The following DYNC1I2 variants were observed in gnomAD, a reference collection of about 807,000 sequenced individuals.
DYNC1I2 encodes dynein cytoplasmic 1 intermediate chain 2.
DYNC1I2 carries 53 observed loss-of-function variants against 88.6 expected under a neutral mutation model. That is an observed-to-expected ratio of 0.60 (90% CI 0.48 to 0.75). DYNC1I2 has a LOEUF of 0.75. DYNC1I2 is among the 30% of genes least tolerant of loss of function. DYNC1I2 has a pLI of 0.00. For synonymous variants in DYNC1I2, 198 were observed against 254.6 expected, an observed-to-expected ratio of 0.78 and a Z score of 2.12; for missense variants, 458 against 766.6, an observed-to-expected ratio of 0.60 and a Z score of 4.75.
chr2:171,727,574 A>T (rs1393997656), intron 11 of DYNC1I2, among the ~76,000 whole-genome samples: 1 of 152,108 alleles, frequency 6.6e-6, no homozygotes, highest in African/African-American at 2.4e-5. Context: ...GCTTTCTTTG[A>T]TAAATTAGTT....
chr2:171,733,057 T>G (rs1378507803), intron 15 of DYNC1I2, among the ~76,000 whole-genome samples: 2 of 152,210 alleles, frequency 1.3e-5, no homozygotes, highest in African/African-American at 4.8e-5. Context: ...TGTATGTTCA[T>G]TGTTTAGCTC....
At chr2:171,729,952 T>C in intron 15 of DYNC1I2, 99 bp downstream of exon 15, 1 of 1,393,452 alleles carries the variant, frequency 7.2e-7, no homozygotes, top group Non-Finnish European at 9.9e-7. Context: ...AAATCATAAT[T>C]GTTTGCTAAT....
At chr2:171,742,755 G>T (rs1689534287) in intron 15 of DYNC1I2, among the ~76,000 whole-genome samples, 1 of 152,112 alleles carries the variant, frequency 6.6e-6, no homozygotes, top group South Asian at 2.1e-4. Context: ...TCTGAGATGT[G>T]CCTTTTCTGC....
intron 15 of DYNC1I2, among the ~76,000 whole-genome samples, chr2:171,735,641 G>A (rs971519637): frequency 4.1e-4 from 62 of 152,164 alleles, no homozygotes; most frequent in African/African-American, 1.4e-3. Flanking sequence ...ATATTTAAAA[G>A]ACTCTGTTGC....
intron 3 of DYNC1I2, among the ~76,000 whole-genome samples, chr2:171,697,952 C>T (rs1173844395): frequency 6.6e-6 from 1 of 152,172 alleles, no homozygotes. Context: ...TTGTGTCCTT[C>T]ATATTGTATC....
intron 17 of DYNC1I2, 105 bp from the exon 18 acceptor site, chr2:171,747,671 A>G (rs965179986): frequency 7.5e-5 from 54 of 719,748 alleles, no homozygotes; most frequent in Non-Finnish European, 1.1e-4. Context: ...ATTCAGGTCA[A>G]TTATTACTTT....
At chr2:171,733,575 A>G (rs1041958842) in intron 15 of DYNC1I2, among the ~76,000 whole-genome samples, 2 of 142,174 alleles carry the variant, frequency 1.4e-5, no homozygotes, top group East Asian at 4.3e-4. Flanking sequence ...TCAGTGATAT[A>G]TGTCTTCTTT....
chr2:171,748,140 T>G lies in DYNC1I2; in HGVS notation c.*251T>G, dbSNP rs1329304883. On this transcript the variant is annotated 3_prime_UTR_variant, in exon 18 of 18. Coordinates refer to ENST00000397119, the MANE Select transcript of DYNC1I2 (RefSeq NM_001378.3). ...GCTTTTTTGAATTCTAATACATAGG[T>G]GTATATTTGGTATTAGTTATTTTGA... 2.5e-6 allele frequency: 1 copy of G among 395,818 alleles called. No homozygotes were observed. Among genetic ancestry groups the G allele is most frequent in the Non-Finnish European group, 4.5e-6 (1 of 222,096 alleles). The allele number at this position is 395,818 out of a possible 1,614,324, so 24.5% of individuals were successfully genotyped here.
At chr2:171,744,442 T>C (rs1303790430) in intron 16 of DYNC1I2, among the ~76,000 whole-genome samples, 3 of 152,220 alleles carry the variant, frequency 2.0e-5, no homozygotes, top group African/African-American at 7.2e-5. Context: ...ATGTCTCTAA[T>C]GTCCTGGCAA....
intron 15 of DYNC1I2, among the ~76,000 whole-genome samples, chr2:171,733,424 AAAAC>A (rs1245284242): frequency 6.8e-6 from 1 of 147,960 alleles, no homozygotes; most frequent in East Asian, 2.0e-4. Context: ...CAACAGTGTA[AAAAC>A]GTTCCTTTTT....
At chr2:171,747,231 A>G (rs573582233) in intron 17 of DYNC1I2, among the ~76,000 whole-genome samples, 219 of 138,690 alleles carry the variant, frequency 1.6e-3, no homozygotes, top group African/African-American at 5.7e-3. Flanking sequence ...ATATATATAT[A>G]TGTTATTGGG....
chr2:171,731,667 T>C (rs1171862645), intron 15 of DYNC1I2, among the ~76,000 whole-genome samples: 1 of 151,646 alleles, frequency 6.6e-6, no homozygotes, highest in Non-Finnish European at 1.5e-5. Context: ...GTGGGAGGAT[T>C]GCTCAACTGG....
rs140350920 is a variant in DYNC1I2, at chr2:171,742,967, A to C, written c.1537-1082A>C. Among the ~76,000 whole-genome samples the C allele has an allele frequency of 1.1e-3, 161 of 152,306 alleles. 1 individual carries two copies. The highest frequency in any genetic ancestry group is 3.6e-3 in the African/African-American group (150 of 41,566). Reference sequence around the variant, plus strand: ...ACTGCACTGTAGTCTGCTTGCATTTACAGTTGACCCTTGAATAATGCAGGG... The same window carrying C: ...ACTGCACTGTAGTCTGCTTGCATTTCCAGTTGACCCTTGAATAATGCAGGG... On this transcript the variant is annotated intron_variant, in intron 15 of 17. Coordinates refer to ENST00000397119, the MANE Select transcript of DYNC1I2 (RefSeq NM_001378.3).
In DYNC1I2 at chr2:171,749,371, T is replaced by C. The variant is rs748822714; in HGVS notation, c.*1482T>C. On this transcript the variant is annotated 3_prime_UTR_variant, in exon 18 of 18. Coordinates refer to ENST00000397119, the MANE Select transcript of DYNC1I2 (RefSeq NM_001378.3). ...AGAAAAGTAGGCAATTCTTTACTTT[T>C]CTATATTCAGTTTCATAAATTAATA... 2.2e-4 allele frequency among the ~76,000 whole-genome samples: 34 copies of C among 152,150 alleles called. No homozygotes were observed. Among genetic ancestry groups the C allele is most frequent in the Admixed American group, 8.5e-4 (13 of 15,286 alleles).
At chr2:171,742,781 C>A (rs1689536190) in intron 15 of DYNC1I2, among the ~76,000 whole-genome samples, 1 of 152,200 alleles carries the variant, frequency 6.6e-6, no homozygotes, top group Non-Finnish European at 1.5e-5. Context: ...TCCACCACTT[C>A]TGTCTGAACT....
chr2:171,733,783 T>C (rs1218107672), intron 15 of DYNC1I2, among the ~76,000 whole-genome samples: 1 of 151,672 alleles, frequency 6.6e-6, no homozygotes, highest in East Asian at 1.9e-4. Context: ...TGTTTTTTGC[T>C]GTGTAGAAGC....
In DYNC1I2 at chr2:171,707,206, A is replaced by G. The variant is rs1223863262; in HGVS notation, c.245-81A>G. ...TTTTTTCTTTTTTGTTAATTACTTC[A>G]TTAAATTATTTTTGAAACGTCATAA... On this transcript the variant is annotated intron_variant, in intron 4 of 17. Transcript: ENST00000397119. 3 of 1,596,422 alleles carry G rather than the reference A, an allele frequency of 1.9e-6. No individual in the cohort carries two copies. In the East Asian group the frequency reaches 6.8e-5, roughly 36 times the overall value.
At chr2:171,703,534 G>A (rs747236483) in intron 3 of DYNC1I2, among the ~76,000 whole-genome samples, 5 of 152,078 alleles carry the variant, frequency 3.3e-5, no homozygotes, top group African/African-American at 4.8e-5. Flanking sequence ...GAGCTAAAAT[G>A]TTATTTTCAC....
Position 171,728,430 on chromosome 2 carries a change from T to C in DYNC1I2, c.1257+12T>C. On this transcript the variant is annotated intron_variant, in intron 13 of 17. Transcript: ENST00000397119. ...TTTCCCATCCACAGGTGGGTTAAAC[T>C]TGGGAAACTGAAATTTTGAGGCAAA... 6.6e-7 allele frequency: 1 copy of C among 1,513,092 alleles called. No individual in the cohort carries two copies. The highest frequency in any genetic ancestry group is 9.0e-7 in the Non-Finnish European group (1 of 1,107,896). The allele number at this position is 1,513,092 out of a possible 1,614,324, so 93.7% of individuals were successfully genotyped here.
Sources: gnomAD v4.1 joint callset for allele counts (sites outside exome capture counted in the v4.1 genomes callset) on GRCh38, gnomAD v4.1.1 for gene constraint, MANE v1.5 for transcripts, NCBI Gene and HGNC (gene_info 2026-07-23, HGNC 2026-07-21) for gene names.